GATA4: variants seen among roughly 807,000 people sequenced by gnomAD.
GATA4 encodes transcription factor GATA-4.
Under a neutral mutation model 37.9 loss-of-function variants are expected in GATA4, and 7 were observed. That is an observed-to-expected ratio of 0.18 (90% CI 0.11 to 0.35). GATA4 has a LOEUF of 0.35. GATA4 is among the 10% of genes least tolerant of loss of function. GATA4 has a pLI of 1.00. For missense variants in GATA4, 647 were observed against 653.0 expected (o/e 0.99, Z 0.10); for synonymous variants, 372 against 292.6 (o/e 1.27, Z -2.77).
intron 1 of GATA4, chr8:11,682,978 TG>T (rs1283933137): frequency 1.3e-6 from 1 of 787,542 alleles, no homozygotes. Flanking sequence ...GACAAGATAC[TG>T]GGTTCAGAGA....
Position 11,756,919 on chromosome 8 carries a change from C to T in GATA4, c.1001-16C>T, listed in dbSNP as rs946272114. 2.5e-6 allele frequency: 4 copies of T among 1,614,116 alleles called. No homozygotes were observed. The African/African-American group carries it at 4.0e-5, about 16-fold the overall frequency. On this transcript the variant is annotated splice_polypyrimidine_tract_variant and intron_variant, in intron 5 of 6. Transcript: ENST00000532059. ...CCTGCCGCTGATTTGGGTGTGCTGA[C>T]TCTGCTTCATTCCAGCTCCTTCAGG... is the stretch of plus-strand genomic sequence containing the variant.
chr8:11,700,295 T>C (rs1277306062), upstream of GATA4, among the ~76,000 whole-genome samples: 1 of 152,234 alleles, frequency 6.6e-6, no homozygotes, highest in Non-Finnish European at 1.5e-5. Context: ...CCCAGAGTAG[T>C]AATTTCGAAA....
chr8:11,708,701 C>A lies in GATA4; in HGVS notation c.389C>A (p.Ala130Glu). The A allele has an allele frequency of 1.6e-6, 2 of 1,259,586 alleles. No individual in the cohort carries two copies. Among genetic ancestry groups the A allele is most frequent in the South Asian group, 3.0e-5 (1 of 33,120 alleles). The allele number at this position is 1,259,586 out of a possible 1,614,324, so 78.0% of individuals were successfully genotyped here. A position where few individuals can be genotyped will look rare whatever the true frequency, so the allele number is the denominator to read the frequency against. Residue 130 changes from alanine to glutamate, a missense_variant, in exon 2 of 7, where the codon GCG becomes GAG. This residue lies in a region of GATA4 where 379 missense variants were observed against 334.5 expected (regional missense o/e 1.13). Transcript: ENST00000532059. This position sits in a 1 kb window ranked among gnomAD's most constrained non-coding sequence, Gnocchi z 6.7. ...AAAAAAAREA[A>E]AYSSGGGAAG... ...GCCGCTGCCGCGGCCCGGGAAGCTGCGGCCTACAGCAGTGGCGGCGGAGCG... is the reference window on the plus strand; with the variant it reads ...GCCGCTGCCGCGGCCCGGGAAGCTGAGGCCTACAGCAGTGGCGGCGGAGCG...
intron 2 of GATA4, among the ~76,000 whole-genome samples, chr8:11,725,355 G>A (rs541030873): frequency 6.6e-5 from 10 of 152,226 alleles, no homozygotes; most frequent in Non-Finnish European, 1.0e-4. Flanking sequence ...AGGAAAGACT[G>A]TCTCACCCCC....
intron 1 of GATA4, chr8:11,680,884 C>T (rs958247212): frequency 1.0e-6 from 1 of 985,244 alleles, no homozygotes; most frequent in Non-Finnish European, 1.2e-6. Flanking sequence ...AGTTGCGACC[C>T]CCTGTGTGAG....
At chr8:11,757,209 C>T (rs976818259) in intron 6 of GATA4, 126 bp downstream of exon 6, 11 of 1,406,548 alleles carry the variant, frequency 7.8e-6, no homozygotes, top group African/African-American at 2.8e-5. Context: ...GAGCTACCCT[C>T]TGCGCTAGGA....
At chr8:11,741,163 CT>C (rs1341575617) in intron 2 of GATA4, among the ~76,000 whole-genome samples, 4 of 152,158 alleles carry the variant, frequency 2.6e-5, no homozygotes, top group Admixed American at 2.0e-4. Context: ...CACCACCATA[CT>C]TTTGTTTCAC....
intron 1 of GATA4, chr8:11,680,453 G>T: frequency 1.0e-6 from 1 of 984,768 alleles, no homozygotes; most frequent in Non-Finnish European, 1.2e-6. Flanking sequence ...TCCGTTCCTG[G>T]CAAGGCCGAA....
intron 2 of GATA4, among the ~76,000 whole-genome samples, chr8:11,712,444 C>A (rs1800229777): frequency 6.6e-6 from 1 of 152,068 alleles, no homozygotes; most frequent in African/African-American, 2.4e-5. Context: ...TGGAAGTAGT[C>A]ATTTAAGTGC....
intron 2 of GATA4, among the ~76,000 whole-genome samples, chr8:11,723,897 A>G (rs1416789009): frequency 6.6e-6 from 1 of 152,228 alleles, no homozygotes. Flanking sequence ...GTATTGTACA[A>G]CCATCACCCC....
At chr8:11,693,635 G>A (rs997412884) in intron 1 of GATA4, among the ~76,000 whole-genome samples, 3 of 150,456 alleles carry the variant, frequency 2.0e-5, no homozygotes, top group Non-Finnish European at 4.4e-5. Context: ...TTTCACAGAT[G>A]AGGAGACCGA....
upstream of GATA4, chr8:11,692,139 T>TTA: frequency 1.5e-6 from 1 of 669,894 alleles, no homozygotes; most frequent in African/African-American, 2.0e-5. Context: ...TCCAGCCTAA[T>TTA]GGCCTCAGGT....
rs1131691325 is a variant in GATA4, at chr8:11,749,042, T to C, written c.743T>C (p.Met248Thr). 1.2e-6 allele frequency: 2 copies of C among 1,614,244 alleles called. No homozygotes were observed. The highest frequency in any genetic ancestry group is 2.2e-5 in the East Asian group (1 of 44,890). ...LCNACGLYHK[M>T]NGINRPLIKP... is the part of the protein sequence containing the mutation. ...AACGCCTGCGGCCTCTACCACAAGA[T>C]GAACGGCATCAACCGGCCGCTCATC... Residue 248 changes from methionine to threonine, a missense_variant, in exon 3 of 7, where the codon ATG becomes ACG. Around this residue, in one of 5 missense-constraint regions of GATA4, gnomAD observed 56 missense variants for 64.5 expected, o/e 0.87. Coordinates refer to ENST00000532059, the MANE Select transcript of GATA4 (RefSeq NM_001308093.3). The surrounding 1 kb of genome is among the most constrained non-coding windows in gnomAD (Gnocchi z 4.6).
At chr8:11,689,473 A>G (rs1235209355), upstream of GATA4, among the ~76,000 whole-genome samples, 2 of 152,096 alleles carry the variant, frequency 1.3e-5, no homozygotes, top group Non-Finnish European at 1.5e-5. Flanking sequence ...CAGAACAAGG[A>G]CCCACCCATT....
intron 1 of GATA4, chr8:11,697,449 GA>G: frequency 1.7e-6 from 1 of 593,944 alleles, no homozygotes; most frequent in Non-Finnish European, 2.1e-6. Context: ...CTAACAATAG[GA>G]ACCTCCCAGC....
At position 11,707,875 on chromosome 8, in the gene GATA4, A is replaced by C. The variant is rs1799964305; in HGVS notation, c.-438A>C. 4.0e-6 allele frequency: 1 copy of C among 250,114 alleles called. No homozygotes were observed. Among genetic ancestry groups the C allele is most frequent in the Non-Finnish European group, 7.9e-6 (1 of 127,372 alleles). The allele number at this position is 250,114 out of a possible 1,614,324, so 15.5% of individuals were successfully genotyped here. A position where few individuals can be genotyped will look rare whatever the true frequency, so the allele number is the denominator to read the frequency against. ...TTTTAGGACCCCGGCTGCGGCGAGG[A>C]GGAAGGAGCCAGCCTAGCAGCTTCT... On this transcript the variant is annotated 5_prime_UTR_variant, in exon 2 of 7. Coordinates refer to ENST00000532059, the MANE Select transcript of GATA4 (RefSeq NM_001308093.3). The surrounding 1 kb of genome is among the most constrained non-coding windows in gnomAD (Gnocchi z 4.7).
chr8:11,725,194 A>G (rs1800858022), intron 2 of GATA4, among the ~76,000 whole-genome samples: 1 of 152,208 alleles, frequency 6.6e-6, no homozygotes, highest in East Asian at 1.9e-4. Flanking sequence ...AGCAAATGGG[A>G]TCCGGTCATG....
intron 1 of GATA4, among the ~76,000 whole-genome samples, chr8:11,693,552 CACACACACACAGAGAG>C (rs1275904556): frequency 9.3e-5 from 11 of 118,300 alleles, no homozygotes; most frequent in Admixed American, 7.9e-4. Flanking sequence ...CACACACACA[CACACACACACAGAGAG>C]AGAGAGAGAG....
upstream of GATA4, among the ~76,000 whole-genome samples, chr8:11,689,690 C>T (rs1799250596): frequency 6.6e-6 from 1 of 152,198 alleles, no homozygotes; most frequent in Admixed American, 6.5e-5. Context: ...CCCTCACCCA[C>T]CCCCACCCTT....
Sources: allele counts gnomAD v4.1 joint callset (sites outside exome capture counted in the v4.1 genomes callset), GRCh38; gene constraint gnomAD v4.1.1; regional missense constraint gnomAD v4.1.1; non-coding constraint Gnocchi (gnomAD v3.1); transcripts MANE v1.5; gene names NCBI Gene and HGNC (gene_info 2026-07-23, HGNC 2026-07-21).